The following ARHGAP6 variants were observed in gnomAD, a reference collection of about 807,000 sequenced individuals.
The protein encoded by ARHGAP6 is rho GTPase-activating protein 6.
ARHGAP6 carries 16 observed loss-of-function variants against 55.7 expected under a neutral mutation model. That is an observed-to-expected ratio of 0.29 (90% CI 0.19 to 0.44). The LOEUF is 0.44. ARHGAP6 is among the 20% of genes least tolerant of loss of function. ARHGAP6 has a pLI of 1.00. For missense variants in ARHGAP6, 698 were observed against 808.9 expected (o/e 0.86, Z 1.66); for synonymous variants, 382 against 360.9 (o/e 1.06, Z -0.66).
chrX:11,150,428 ATT>A lies in ARHGAP6; in HGVS notation c.1907+6099_1907+6100del, dbSNP rs749485388. Among the ~76,000 whole-genome samples the A allele has an allele frequency of 9.5e-3, 1,045 of 109,553 alleles. 20 individuals are homozygous for A. The highest frequency in any genetic ancestry group is 0.033 in the African/African-American group (1,000 of 30,176). On this transcript the variant is annotated intron_variant, in intron 10 of 12. Coordinates refer to ENST00000337414, the MANE Select transcript of ARHGAP6 (RefSeq NM_013427.3). The stretch of plus-strand genomic sequence containing the variant: ...CCTCTATATACATGGTTTTGTGTAT[ATT>A]TTTTTTTCCCAGAACATCAAAGCAG...
At chrX:11,402,009 T>C (rs1443652450) in intron 1 of ARHGAP6, among the ~76,000 whole-genome samples, 1 of 112,047 alleles carries the variant, frequency 8.9e-6, no homozygotes, top group Non-Finnish European at 1.9e-5. Context: ...AATAACTTTA[T>C]GTACATCATT....
At chrX:11,468,033 A>AATAC (rs1170184634) in intron 1 of ARHGAP6, among the ~76,000 whole-genome samples, 3 of 107,234 alleles carry the variant, frequency 2.8e-5, no homozygotes, top group African/African-American at 1.0e-4. Context: ...TAAATAAATA[A>AATAC]ATAAATGGCC....
At chrX:11,523,097 T>C in intron 1 of ARHGAP6, among the ~76,000 whole-genome samples, 1 of 111,793 alleles carries the variant, frequency 8.9e-6, no homozygotes, top group African/African-American at 3.2e-5. Flanking sequence ...AATCAATAAA[T>C]ATAATCCAGC....
chrX:11,581,969 C>A (rs1301930702), intron 1 of ARHGAP6, among the ~76,000 whole-genome samples: 1 of 111,555 alleles, frequency 9.0e-6, no homozygotes, highest in Non-Finnish European at 1.9e-5. Context: ...TGATGACTTA[C>A]ACCTTAGAAC....
chrX:11,562,663 C>T (rs1236104113), intron 1 of ARHGAP6, among the ~76,000 whole-genome samples: 1 of 110,677 alleles, frequency 9.0e-6, no homozygotes, highest in African/African-American at 3.3e-5. Flanking sequence ...AAACTTCTTG[C>T]CATCTAGCTA....
intron 1 of ARHGAP6, among the ~76,000 whole-genome samples, chrX:11,400,748 C>T (rs1443088489): frequency 8.9e-6 from 1 of 111,921 alleles, no homozygotes; most frequent in African/African-American, 3.2e-5. Flanking sequence ...TGACATTAAC[C>T]TAGCATGAAC....
At chrX:11,473,357 C>T (rs1388546064) in intron 1 of ARHGAP6, among the ~76,000 whole-genome samples, 1 of 111,876 alleles carries the variant, frequency 8.9e-6, no homozygotes, top group African/African-American at 3.3e-5. Flanking sequence ...CAAGTCCTAA[C>T]CCCATGTTAC....
Position 11,484,703 on chromosome X carries a change from T to C in ARHGAP6, c.588+179538A>G, listed in dbSNP as rs749826493. On this transcript the variant is annotated intron_variant, in intron 1 of 12. Coordinates refer to ENST00000337414, the MANE Select transcript of ARHGAP6 (RefSeq NM_013427.3). The stretch of plus-strand genomic sequence containing the variant: ...GGCTGTATCATTCATTAAGTATCTG[T>C]TGAGCCCCACTCCATTAAAAAATTA... Among the ~76,000 whole-genome samples the C allele has an allele frequency of 2.0e-4, 23 of 112,223 alleles. 1 individual carries two copies. Among genetic ancestry groups the C allele is most frequent in the African/African-American group, 7.4e-4 (23 of 30,961 alleles).
intron 2 of ARHGAP6, among the ~76,000 whole-genome samples, chrX:11,240,767 G>A (rs1438856790): frequency 1.8e-5 from 2 of 110,322 alleles, no homozygotes; most frequent in Non-Finnish European, 3.8e-5. Flanking sequence ...AAATGAGGCC[G>A]GGCATGGTGG....
intron 1 of ARHGAP6, among the ~76,000 whole-genome samples, chrX:11,643,609 C>T (rs919909961): frequency 8.1e-5 from 9 of 111,469 alleles, no homozygotes; most frequent in South Asian, 3.7e-4. Context: ...TTTCAAAATT[C>T]CAAACCATTT....
intron 1 of ARHGAP6, among the ~76,000 whole-genome samples, chrX:11,273,886 G>T (rs933140297): frequency 1.6e-4 from 18 of 111,470 alleles, no homozygotes; most frequent in African/African-American, 5.9e-4. Flanking sequence ...TATTATTCCA[G>T]TCCCTTATGG....
chrX:11,536,752 C>A (rs1055638859), intron 1 of ARHGAP6, among the ~76,000 whole-genome samples: 1 of 112,292 alleles, frequency 8.9e-6, no homozygotes, highest in Admixed American at 9.4e-5. Flanking sequence ...AGAGCCTGTA[C>A]AATTATTTTT....
At chrX:11,344,265 T>A (rs1298064317) in intron 1 of ARHGAP6, among the ~76,000 whole-genome samples, 2 of 111,625 alleles carry the variant, frequency 1.8e-5, no homozygotes, top group East Asian at 5.6e-4. Flanking sequence ...GTTGTGATAA[T>A]AAAAAATGTC....
Position 11,266,255 on chromosome X carries a change from T to C in ARHGAP6, c.589-11548A>G, listed in dbSNP as rs1025591982. On this transcript the variant is annotated intron_variant, in intron 1 of 12. Coordinates refer to ENST00000337414, the MANE Select transcript of ARHGAP6 (RefSeq NM_013427.3). ...ACAAACGGTAATTGGATTGTAACTG[T>C]GCAAACTGTCCTTATTAGGAATCAA... is the stretch of plus-strand genomic sequence containing the variant. Among the ~76,000 whole-genome samples the C allele has an allele frequency of 3.6e-5, 4 of 111,285 alleles. No individual in the cohort carries two copies. In the Admixed American group the frequency reaches 3.8e-4, roughly 11 times the overall value.
rs146239274 is a variant in ARHGAP6 at position 11,509,622 on chromosome X, C to T, written c.588+154619G>A. ...TCTGTTCACTATTACTTTTTAAATT[C>T]AGGGTACATATTTTTAAAAAGTGGT... On this transcript the variant is annotated intron_variant, in intron 1 of 12. Transcript: ENST00000337414. 3.7e-3 allele frequency among the ~76,000 whole-genome samples: 413 copies of T among 112,139 alleles called. 2 individuals carry two copies. The highest frequency in any genetic ancestry group is 0.013 in the African/African-American group (399 of 30,904).
At chrX:11,342,895 T>C (rs761145804) in intron 1 of ARHGAP6, among the ~76,000 whole-genome samples, 11 of 112,526 alleles carry the variant, frequency 9.8e-5, no homozygotes, top group Admixed American at 4.7e-4. Context: ...CACTGCTCTC[T>C]GTCAAGTGTC....
chrX:11,283,539 C>T (rs2047885372), intron 1 of ARHGAP6, among the ~76,000 whole-genome samples: 1 of 112,286 alleles, frequency 8.9e-6, no homozygotes. Flanking sequence ...TGTTATGCTA[C>T]CTGGCAAAGA....
chrX:11,140,967 A>C (rs1472998457), intron 12 of ARHGAP6, among the ~76,000 whole-genome samples: 1 of 111,752 alleles, frequency 8.9e-6, no homozygotes. Flanking sequence ...GTATTTACAA[A>C]GAAACAAATG....
At position 11,631,676 on chromosome X, in the gene ARHGAP6, T is replaced by G. The variant is rs1044129827; in HGVS notation, c.588+32565A>C. ...ACAGCAGGGAGCAGCAAACATTTTC[T>G]GTAAAGGATCAAATAAAAACTATTT... is the stretch of plus-strand genomic sequence containing the variant. On this transcript the variant is annotated intron_variant, in intron 1 of 12. Transcript: ENST00000337414. Among the ~76,000 whole-genome samples, 4 of 112,044 alleles carry G rather than the reference T, an allele frequency of 3.6e-5. No individual in the cohort carries two copies. The South Asian group carries it at 1.5e-3, about 42-fold the overall frequency.
Sources: gnomAD v4.1 joint callset for allele counts (sites outside exome capture counted in the v4.1 genomes callset) on GRCh38, gnomAD v4.1.1 for gene constraint, MANE v1.5 for transcripts, NCBI Gene and HGNC (gene_info 2026-07-23, HGNC 2026-07-21) for gene names.